TTC7A: variants seen among roughly 807,000 people sequenced by gnomAD.
TTC7A encodes tetratricopeptide repeat domain 7A, also known as tetratricopeptide repeat protein 7A.
In TTC7A, 110 loss-of-function variants were observed where a neutral mutation model predicts 103.7. The observed-to-expected ratio is 1.06, with a 90% confidence interval of 0.91 to 1.24. The LOEUF is 1.24. Ranked by LOEUF, TTC7A falls within the 50% of genes most tolerant of loss-of-function variation. TTC7A has a pLI of 0.00. For synonymous variants in TTC7A, 521 were observed against 467.9 expected (o/e 1.11, Z -1.47); for missense variants, 1,340 against 1,116.3 (o/e 1.20, Z -2.86).
At chr2:47,053,538 G>GTTTC in intron 18 of TTC7A, among the ~76,000 whole-genome samples, 1 of 114,374 alleles carries the variant, frequency 8.7e-6, no homozygotes, top group South Asian at 3.4e-4. Flanking sequence ...TTTTTTGTTT[G>GTTTC]TTTGTTTGGT....
In TTC7A at chr2:47,006,442, G is replaced by T. The variant is rs533506909; in HGVS notation, c.1204-199G>T. Among the ~76,000 whole-genome samples, 14 of 152,342 alleles carry T rather than the reference G, an allele frequency of 9.2e-5. No individual in the cohort carries two copies. The South Asian group carries it at 2.1e-3, about 23-fold the overall frequency. On this transcript the variant is annotated intron_variant, in intron 9 of 19. Transcript: ENST00000319190. ...AGGAGGTGAACTGAGGGCCTGAGAG[G>T]GTGAGAGACTTGAGTAGGGTCACAC...
chr2:47,029,193 G>A (rs1297780078), intron 14 of TTC7A, 31 bp from the exon 15 acceptor site: 1 of 1,611,166 alleles, frequency 6.2e-7, no homozygotes, highest in African/African-American at 1.3e-5. Flanking sequence ...ATGTGCCTGG[G>A]GAAGGCTAAC....
At chr2:47,056,507 T>A (rs1346431572) in intron 18 of TTC7A, among the ~76,000 whole-genome samples, 1 of 152,180 alleles carries the variant, frequency 6.6e-6, no homozygotes. Context: ...AGGCCCTCCC[T>A]GCAAAGGGGG....
intron 3 of TTC7A, among the ~76,000 whole-genome samples, chr2:46,968,307 G>T (rs865860246): frequency 5.1e-4 from 77 of 152,230 alleles, no homozygotes; most frequent in African/African-American, 1.5e-3. Flanking sequence ...TCACAAGGCA[G>T]TGCCTGCCCT....
chr2:47,050,583 G>A (rs1682773812), intron 17 of TTC7A: 1 of 153,670 alleles, frequency 6.5e-6, no homozygotes. Flanking sequence ...TCATGGGAAA[G>A]AAGGTGTGAG....
chr2:47,037,674 A>C (rs1308667417), intron 15 of TTC7A, among the ~76,000 whole-genome samples: 1 of 152,182 alleles, frequency 6.6e-6, no homozygotes, highest in Non-Finnish European at 1.5e-5. Context: ...CCAGCCGGGC[A>C]CTGCTGTGGG....
At chr2:46,929,760 C>G (rs992543468) in intron 2 of TTC7A, among the ~76,000 whole-genome samples, 1 of 152,146 alleles carries the variant, frequency 6.6e-6, no homozygotes, top group African/African-American at 2.4e-5. Flanking sequence ...TTATTATTCA[C>G]AAAGATTCAC....
chr2:47,068,890 AAG>A (rs1684418149), intron 19 of TTC7A, among the ~76,000 whole-genome samples: 3 of 117,378 alleles, frequency 2.6e-5, no homozygotes, highest in African/African-American at 9.0e-5. Flanking sequence ...AAAAAAAAGA[AAG>A]ACTCACCCTA....
intron 18 of TTC7A, among the ~76,000 whole-genome samples, chr2:47,056,376 C>G (rs1397721733): frequency 6.6e-6 from 1 of 152,228 alleles, no homozygotes. Context: ...GCTCACCTCT[C>G]TGAAGTCTGG....
At chr2:47,022,118 C>T (rs1572936356) in intron 12 of TTC7A, 139 bp downstream of exon 12, 2 of 614,818 alleles carry the variant, frequency 3.3e-6, no homozygotes, top group Non-Finnish European at 2.9e-6. Flanking sequence ...GGGAGAGATG[C>T]CCATGTGTGC....
At chr2:46,970,900 C>A (rs1003509798) in intron 3 of TTC7A, among the ~76,000 whole-genome samples, 6 of 152,252 alleles carry the variant, frequency 3.9e-5, no homozygotes, top group African/African-American at 1.4e-4. Flanking sequence ...TTCATGTTCT[C>A]TGCCCGCTTT....
intron 17 of TTC7A, chr2:47,050,478 T>G (rs1029233619): frequency 8.5e-5 from 14 of 164,108 alleles, no homozygotes; most frequent in African/African-American, 3.3e-4. Context: ...CCATGGCTTG[T>G]GAAATTCAAA....
chr2:46,935,284 G>C lies in TTC7A; in HGVS notation c.83-15079G>C, dbSNP rs532080718. ...GTTCCTCCCCACACTCTTTCATCCT[G>C]AGCCCAGGAGTTCAAGGCTGCAGTG... On this transcript the variant is annotated intron_variant, in intron 2 of 20. Coordinates refer to the TTC7A transcript ENST00000409245. Among the ~76,000 whole-genome samples the C allele has an allele frequency of 8.9e-4, 135 of 152,200 alleles. 1 individual carries two copies. Among genetic ancestry groups the C allele is most frequent in the Middle Eastern group, 3.4e-3 (1 of 294 alleles).
chr2:47,073,265 C>A (rs181539695), intron 19 of TTC7A, among the ~76,000 whole-genome samples: 34 of 152,190 alleles, frequency 2.2e-4, no homozygotes, highest in Non-Finnish European at 4.7e-4. Context: ...TGAGAACACA[C>A]TCCTGCCAGA....
At chr2:46,985,187 C>G (rs920797965) in intron 5 of TTC7A, among the ~76,000 whole-genome samples, 5 of 152,090 alleles carry the variant, frequency 3.3e-5, no homozygotes, top group Admixed American at 6.5e-5. Flanking sequence ...AGCTCCACCC[C>G]CTCCCTTCCT....
intron 5 of TTC7A, among the ~76,000 whole-genome samples, chr2:46,980,599 C>G (rs1015411730): frequency 2.6e-5 from 4 of 152,202 alleles, no homozygotes; most frequent in Admixed American, 2.6e-4. Flanking sequence ...CTGACACCAG[C>G]TGGGTTTCCA....
chr2:47,013,965 G>A (rs1474212933), intron 11 of TTC7A, among the ~76,000 whole-genome samples: 1 of 152,158 alleles, frequency 6.6e-6, no homozygotes, highest in Non-Finnish European at 1.5e-5. Flanking sequence ...TCCCTGATCT[G>A]GAAGCTTCAC....
intron 8 of TTC7A, among the ~76,000 whole-genome samples, chr2:47,002,449 T>A (rs1191934539): frequency 6.6e-6 from 1 of 152,182 alleles, no homozygotes; most frequent in Non-Finnish European, 1.5e-5. Flanking sequence ...TCTAGAGGAT[T>A]TTCTAATGAA....
chr2:46,974,899 T>A, intron 3 of TTC7A, 74 bp from the exon 4 acceptor site: 6 of 1,545,026 alleles, frequency 3.9e-6, no homozygotes, highest in South Asian at 1.1e-5. Flanking sequence ...TGAGCCCACC[T>A]TCGGCCCATG....
Sources: allele counts gnomAD v4.1 joint callset (sites outside exome capture counted in the v4.1 genomes callset), GRCh38; gene constraint gnomAD v4.1.1; transcripts MANE v1.5; gene names NCBI Gene and HGNC (gene_info 2026-07-23, HGNC 2026-07-21).